Variants in MBTD1 observed in about 807,000 individuals in gnomAD.
MBTD1 encodes the protein MBT domain-containing protein 1.
A neutral mutation model predicts 87.8 loss-of-function variants in MBTD1; 24 were observed. That is an observed-to-expected ratio of 0.27 (90% CI 0.20 to 0.38). The LOEUF (loss-of-function observed/expected upper bound fraction) is 0.38, where lower values mean the gene tolerates loss of function less well. Ranked by LOEUF, MBTD1 falls within the 10% of genes least tolerant of loss-of-function variation. The probability of loss-of-function intolerance (pLI) is 1.00; values close to 1 mark genes in which losing one functional copy is unlikely to be tolerated. For missense variants in MBTD1, 436 were observed against 760.2 expected (o/e 0.57, Z 5.02); for synonymous variants, 237 against 248.6 (o/e 0.95, Z 0.44).
At chr17:51,224,925 A>G in intron 3 of MBTD1, 83 bp downstream of exon 3, 1 of 814,578 alleles carries the variant, frequency 1.2e-6, no homozygotes, top group Non-Finnish European at 1.7e-6. Flanking sequence ...AATTCTAAGG[A>G]AGGGGAAATG....
At chr17:51,181,021 CTTTT>C (rs57226972) in intron 16 of MBTD1, among the ~76,000 whole-genome samples, 8 of 122,740 alleles carry the variant, frequency 6.5e-5, no homozygotes, top group Admixed American at 8.5e-5. Flanking sequence ...GAAGTACAAT[CTTTT>C]TTTTTTTTTT....
rs565616193 is a variant in MBTD1 at position 51,178,686 on chromosome 17, T to C, written c.*1890A>G. On this transcript the variant is annotated 3_prime_UTR_variant, in exon 17 of 17. Coordinates refer to ENST00000586178, the MANE Select transcript of MBTD1 (RefSeq NM_017643.3). ...TTTTCAAAGTTAAAGATATGGGAAG[T>C]GTGAGGATGTCACATTTACAGTAGG... is the stretch of plus-strand genomic sequence containing the variant. 3.9e-5 allele frequency: 6 copies of C among 152,146 alleles called. No individual in the cohort carries two copies. In the East Asian group the frequency reaches 5.8e-4, roughly 15 times the overall value. The allele number at this position is 152,146 out of a possible 1,614,324, so 9.4% of individuals were successfully genotyped here.
At position 51,225,131 on chromosome 17, in the gene MBTD1, C is replaced by T; in HGVS notation, c.31G>A (p.Asp11Asn). 3.9e-6 allele frequency: 6 copies of T among 1,550,940 alleles called. No homozygotes were observed. The highest frequency in any genetic ancestry group is 1.2e-5 in the South Asian group (1 of 83,964). The change falls in exon 3 of 17, where the codon GAC (aspartate) becomes AAC (asparagine). Residue 11 changes from aspartate to asparagine, a missense_variant. Transcript: ENST00000586178. The part of the protein sequence containing the change: MFDGYDSCSE[D>N]TSSSSSSEES... ...TCGGAGCTGGAGCTGCTGCTTGTGT[C>T]CTCACTGCAGCTATCATAACCGTCA... is the stretch of plus-strand genomic sequence containing the variant.
In MBTD1 at chr17:51,179,520, A is replaced by ATT. The variant is rs1191301890; in HGVS notation, c.*1055_*1056insAA. ...TATATATATATATATATATATATAT[A>ATT]TATATATATATATATATGGAATTTT... On this transcript the variant is annotated 3_prime_UTR_variant, in exon 17 of 17. Transcript: ENST00000586178. 54 of 93,452 alleles carry ATT rather than the reference A, an allele frequency of 5.8e-4. No individual in the cohort carries two copies. Among genetic ancestry groups the ATT allele is most frequent in the Non-Finnish European group, 8.8e-4 (41 of 46,592 alleles). 5.8% of individuals were successfully genotyped at this position (93,452 alleles called of 1,614,324 possible). A position where few individuals can be genotyped will look rare whatever the true frequency, so the allele number is the denominator to read the frequency against.
intron 2 of MBTD1, chr17:51,251,659 T>C (rs2054793239): frequency 6.6e-6 from 1 of 152,248 alleles, no homozygotes; most frequent in Non-Finnish European, 1.5e-5. Flanking sequence ...GAATTTGGTT[T>C]ATTTCTCTAC....
chr17:51,260,666 G>A, upstream of MBTD1: 1 of 1,612,034 alleles, frequency 6.2e-7, no homozygotes, highest in Non-Finnish European at 8.5e-7. Flanking sequence ...AATGAGGCCG[G>A]ACTGGAAAGC....
At chr17:51,205,341 A>G (rs1317045391) in intron 7 of MBTD1, among the ~76,000 whole-genome samples, 1 of 152,246 alleles carries the variant, frequency 6.6e-6, no homozygotes, top group African/African-American at 2.4e-5. Flanking sequence ...TGATGCAGTT[A>G]GATAAAACAG....
chr17:51,221,885 T>C (rs934983443), intron 3 of MBTD1, among the ~76,000 whole-genome samples: 5 of 152,170 alleles, frequency 3.3e-5, no homozygotes, highest in African/African-American at 1.2e-4. Context: ...CAATCCCCCA[T>C]GGATACCAGG....
Position 51,178,406 on chromosome 17 carries a change from A to T in MBTD1, c.*2170T>A, listed in dbSNP as rs1216725604. 1 of 152,210 alleles carries T rather than the reference A, an allele frequency of 6.6e-6. No homozygotes were observed. Among genetic ancestry groups the T allele is most frequent in the East Asian group, 1.9e-4 (1 of 5,202 alleles). 9.4% of individuals were successfully genotyped at this position (152,210 alleles called of 1,614,324 possible). A position where few individuals can be genotyped will look rare whatever the true frequency, so the allele number is the denominator to read the frequency against. On this transcript the variant is annotated 3_prime_UTR_variant, in exon 17 of 17. Transcript: ENST00000586178. ...AGCCTGGGTTTGCTATAGAATTGGA[A>T]GCTTATGAAACCTGGGTATAAATGA... is the stretch of plus-strand genomic sequence containing the variant.
chr17:51,254,213 A>G (rs1451739375), intron 2 of MBTD1, among the ~76,000 whole-genome samples: 3 of 152,198 alleles, frequency 2.0e-5, no homozygotes, highest in Non-Finnish European at 4.4e-5. Context: ...GGAGCTCAAG[A>G]GCTATTTAGC....
At position 51,203,935 on chromosome 17, in the gene MBTD1, A is replaced by G; in HGVS notation, c.605-10T>C. On this transcript the variant is annotated splice_polypyrimidine_tract_variant and intron_variant, in intron 7 of 16. Transcript: ENST00000586178. ...AAAAGGGCATTGTAACCTGAAACCC[A>G]GAAATAAATCACTACATAATAAGAA... 2 of 1,585,690 alleles carry G rather than the reference A, an allele frequency of 1.3e-6. No homozygotes were observed. Among genetic ancestry groups the G allele is most frequent in the South Asian group, 2.3e-5 (2 of 87,130 alleles).
At chr17:51,243,178 G>C (rs1386916551) in intron 2 of MBTD1, among the ~76,000 whole-genome samples, 1 of 152,098 alleles carries the variant, frequency 6.6e-6, no homozygotes, top group Non-Finnish European at 1.5e-5. Context: ...ATTTGCACCA[G>C]CAATATTGAG....
At chr17:51,211,290 T>C (rs1350578186) in intron 6 of MBTD1, among the ~76,000 whole-genome samples, 2 of 151,938 alleles carry the variant, frequency 1.3e-5, no homozygotes, top group African/African-American at 4.8e-5. Context: ...CCCAGCAGTT[T>C]GCAACAGCCT....
At chr17:51,196,940 G>A (rs2145135708) in intron 12 of MBTD1, among the ~76,000 whole-genome samples, 1 of 150,368 alleles carries the variant, frequency 6.7e-6, no homozygotes, top group East Asian at 2.0e-4. Context: ...AGGTTATAGA[G>A]TAGTAGAATA....
Position 51,206,303 on chromosome 17 carries a change from T to C in MBTD1, c.604+585A>G, listed in dbSNP as rs76805771. 7.0e-3 allele frequency among the ~76,000 whole-genome samples: 1,068 copies of C among 152,306 alleles called. 27 individuals carry two copies. The highest frequency in any genetic ancestry group is 0.069 in the East Asian group (358 of 5,174). On this transcript the variant is annotated intron_variant, in intron 7 of 16. Coordinates refer to ENST00000586178, the MANE Select transcript of MBTD1 (RefSeq NM_017643.3). ...ATTTTTTTAAAATGGAGAATGGGTC[T>C]CGCTATTTTGCCCAGGTGGGTCTTG...
At chr17:51,218,397 C>T (rs993113769) in intron 5 of MBTD1, among the ~76,000 whole-genome samples, 4 of 151,696 alleles carry the variant, frequency 2.6e-5, no homozygotes, top group Admixed American at 6.6e-5. Flanking sequence ...AGTGTGGTGG[C>T]GTGCGCCTGT....
intron 16 of MBTD1, 127 bp downstream of exon 16, chr17:51,192,076 C>A (rs2050843566): frequency 1.4e-6 from 1 of 736,434 alleles, no homozygotes; most frequent in South Asian, 1.6e-5. Flanking sequence ...CATACTGCAC[C>A]TTTAAGCATA....
intron 2 of MBTD1, among the ~76,000 whole-genome samples, chr17:51,233,060 CAAAAAAAAAA>C (rs11457634): frequency 4.9e-5 from 2 of 40,496 alleles, no homozygotes; most frequent in African/African-American, 2.0e-4. Flanking sequence ...CTTCCCTCAC[CAAAAAAAAAA>C]AAAAAAAAAA....
At chr17:51,206,208 G>A (rs1216412513) in intron 7 of MBTD1, among the ~76,000 whole-genome samples, 1 of 152,142 alleles carries the variant, frequency 6.6e-6, no homozygotes, top group East Asian at 1.9e-4. Context: ...CAGAACGGAA[G>A]AACCCAAGAT....
Sources: allele counts gnomAD v4.1 joint callset (sites outside exome capture counted in the v4.1 genomes callset), GRCh38; gene constraint gnomAD v4.1.1; transcripts MANE v1.5; gene names NCBI Gene and HGNC (gene_info 2026-07-23, HGNC 2026-07-21).